The following PDE7B variants were observed in gnomAD, a reference collection of about 807,000 sequenced individuals.
PDE7B encodes the protein phosphodiesterase 7B.
A neutral mutation model predicts 56.2 loss-of-function variants in PDE7B; 29 were observed. That is an observed-to-expected ratio of 0.52 (90% CI 0.38 to 0.70). The LOEUF (loss-of-function observed/expected upper bound fraction) is 0.70. Among genes scored for constraint, PDE7B ranks in the 30% least tolerant of loss-of-function variants. The pLI is 0.00. For missense variants in PDE7B, 490 were observed against 565.0 expected (o/e 0.87, Z 1.35); for synonymous variants, 197 against 196.9 (o/e 1.00, Z 0.00).
intron 2 of PDE7B, among the ~76,000 whole-genome samples, chr6:136,013,288 TC>T (rs1361529112): frequency 6.6e-6 from 1 of 152,222 alleles, no homozygotes; most frequent in African/African-American, 2.4e-5. Flanking sequence ...CTTTAAAGTT[TC>T]TCCTTCTTTT....
chr6:135,877,846 G>C (rs538060010), intron 1 of PDE7B, among the ~76,000 whole-genome samples: 15 of 152,200 alleles, frequency 9.9e-5, no homozygotes, highest in African/African-American at 3.4e-4. Context: ...AGTGGGAAAC[G>C]GGAAAGAGTG....
At chr6:135,914,313 C>A (rs1392023060) in intron 1 of PDE7B, among the ~76,000 whole-genome samples, 1 of 151,784 alleles carries the variant, frequency 6.6e-6, no homozygotes, top group Non-Finnish European at 1.5e-5. Context: ...GAATCTAGAA[C>A]ATTTCTATCA....
chr6:135,864,256 T>A (rs1775208925), intron 1 of PDE7B, among the ~76,000 whole-genome samples: 1 of 152,150 alleles, frequency 6.6e-6, no homozygotes, highest in Admixed American at 6.6e-5. Context: ...AATTATATGC[T>A]ATTGTTAGGT....
chr6:135,981,288 G>A (rs1337441667), intron 2 of PDE7B, among the ~76,000 whole-genome samples: 2 of 108,892 alleles, frequency 1.8e-5, no homozygotes, highest in African/African-American at 6.9e-5. Context: ...CTGTTGTGGG[G>A]TGGGGGGAGG....
At chr6:136,056,804 T>C (rs1776743701) in intron 2 of PDE7B, among the ~76,000 whole-genome samples, 1 of 152,172 alleles carries the variant, frequency 6.6e-6, no homozygotes, top group South Asian at 2.1e-4. Flanking sequence ...AGTGCTGGGA[T>C]TACAGGCGTG....
chr6:135,881,585 A>G (rs190022304), intron 1 of PDE7B, among the ~76,000 whole-genome samples: 1 of 152,306 alleles, frequency 6.6e-6, no homozygotes, highest in East Asian at 1.9e-4. Context: ...TTTAATAACA[A>G]ACACCTACTG....
chr6:135,960,742 A>G (rs1010700677), intron 2 of PDE7B, among the ~76,000 whole-genome samples: 1 of 152,196 alleles, frequency 6.6e-6, no homozygotes, highest in Non-Finnish European at 1.5e-5. Context: ...CCTCCTAGAC[A>G]TTACCTCCCA....
chr6:136,002,525 A>T (rs1246279198), intron 2 of PDE7B, among the ~76,000 whole-genome samples: 2 of 152,208 alleles, frequency 1.3e-5, no homozygotes. Flanking sequence ...GCAAATGGAA[A>T]ACAAAAAAAG....
At chr6:136,016,479 ATTG>A (rs1438936646) in intron 2 of PDE7B, among the ~76,000 whole-genome samples, 5 of 152,206 alleles carry the variant, frequency 3.3e-5, no homozygotes, top group East Asian at 1.9e-4. Context: ...AATATTAGCT[ATTG>A]TTGTATCACA....
intron 2 of PDE7B, among the ~76,000 whole-genome samples, chr6:136,078,305 G>A (rs917404876): frequency 3.9e-5 from 6 of 152,132 alleles, no homozygotes; most frequent in African/African-American, 1.2e-4. Context: ...ATGAATACTC[G>A]TATTCTTGGA....
intron 1 of PDE7B, among the ~76,000 whole-genome samples, chr6:135,943,120 TA>T (rs773927012): frequency 1.3e-4 from 20 of 152,376 alleles, no homozygotes; most frequent in South Asian, 2.1e-4. Context: ...ATATGGGAAT[TA>T]AAATAGAATT....
intron 2 of PDE7B, among the ~76,000 whole-genome samples, chr6:135,998,560 TC>T (rs1775607457): frequency 6.6e-6 from 1 of 151,926 alleles, no homozygotes; most frequent in Non-Finnish European, 1.5e-5. Flanking sequence ...ATCGAGACCA[TC>T]CTGGCTAACA....
At chr6:135,934,698 C>A (rs1774358884) in intron 1 of PDE7B, among the ~76,000 whole-genome samples, 1 of 136,572 alleles carries the variant, frequency 7.3e-6, no homozygotes, top group Non-Finnish European at 1.5e-5. Context: ...CCATTGCACT[C>A]CAGCCTGGAG....
chr6:135,908,330 T>C (rs1396863824), intron 1 of PDE7B, among the ~76,000 whole-genome samples: 6 of 151,824 alleles, frequency 4.0e-5, no homozygotes, highest in Non-Finnish European at 8.8e-5. Flanking sequence ...CAACCTCAGG[T>C]GATCCTCCCA....
At chr6:135,973,563 G>T (rs563208071) in intron 2 of PDE7B, among the ~76,000 whole-genome samples, 9 of 152,080 alleles carry the variant, frequency 5.9e-5, no homozygotes, top group Non-Finnish European at 8.8e-5. Context: ...GTTTTCCATA[G>T]CACCTCACCA....
intron 2 of PDE7B, among the ~76,000 whole-genome samples, chr6:136,014,229 A>G (rs1354516685): frequency 1.3e-5 from 2 of 152,270 alleles, no homozygotes; most frequent in Non-Finnish European, 2.9e-5. Flanking sequence ...AGCTATATCA[A>G]TGAAAATAAA....
chr6:136,097,467 A>G (rs1405592154), intron 2 of PDE7B, among the ~76,000 whole-genome samples: 2 of 151,862 alleles, frequency 1.3e-5, no homozygotes, highest in Non-Finnish European at 2.9e-5. Flanking sequence ...AAACCTATTC[A>G]CTTCCCTCTC....
chr6:136,021,954 A>C (rs1217017967), intron 2 of PDE7B, among the ~76,000 whole-genome samples: 1 of 152,130 alleles, frequency 6.6e-6, no homozygotes, highest in Non-Finnish European at 1.5e-5. Context: ...ATCTCATCTC[A>C]TGCCACCTTT....
At chr6:135,981,875 T>C (rs1301288071) in intron 2 of PDE7B, among the ~76,000 whole-genome samples, 1 of 152,148 alleles carries the variant, frequency 6.6e-6, no homozygotes, top group Non-Finnish European at 1.5e-5. Flanking sequence ...TCATGTGCTG[T>C]ACAAAATTGT....
Sources: gnomAD v4.1 joint callset for allele counts (sites outside exome capture counted in the v4.1 genomes callset) on GRCh38, gnomAD v4.1.1 for gene constraint, MANE v1.5 for transcripts, NCBI Gene and HGNC (gene_info 2026-07-23, HGNC 2026-07-21) for gene names.